SH3GLB1: variants seen among roughly 807,000 people sequenced by gnomAD.
The protein encoded by SH3GLB1 is SH3 domain containing GRB2 like, endophilin B1.
SH3GLB1 carries 17 observed loss-of-function variants against 42.0 expected under a neutral mutation model. The observed-to-expected ratio is 0.40, with a 90% CI of 0.28 to 0.61. SH3GLB1 has a LOEUF of 0.61. Ranked by LOEUF, SH3GLB1 falls within the 20% of genes least tolerant of loss-of-function variation. The pLI is 0.36. For missense variants in SH3GLB1, 355 were observed against 426.3 expected (o/e 0.83, Z 1.47); for synonymous variants, 132 against 146.6 (o/e 0.90, Z 0.72).
intron 1 of SH3GLB1, among the ~76,000 whole-genome samples, chr1:86,714,354 A>G (rs1259418708): frequency 3.3e-5 from 5 of 152,218 alleles, no homozygotes; most frequent in Non-Finnish European, 7.4e-5. Context: ...CTCAGTGCCC[A>G]GTCCTCCAGC....
At chr1:86,733,538 A>C (rs1368468930) in intron 5 of SH3GLB1, among the ~76,000 whole-genome samples, 3 of 152,198 alleles carry the variant, frequency 2.0e-5, no homozygotes, top group African/African-American at 7.2e-5. Context: ...CTATCATTAT[A>C]ATGATGATGT....
At chr1:86,738,013 G>A (rs758123196) in intron 7 of SH3GLB1, among the ~76,000 whole-genome samples, 5 of 152,140 alleles carry the variant, frequency 3.3e-5, no homozygotes, top group African/African-American at 7.2e-5. Flanking sequence ...GAGATGAGGC[G>A]CCTTTGGAAA....
intron 1 of SH3GLB1, among the ~76,000 whole-genome samples, chr1:86,713,724 T>C (rs562787050): frequency 4.6e-5 from 7 of 152,286 alleles, no homozygotes; most frequent in Non-Finnish European, 1.0e-4. Flanking sequence ...TCCCTGATTC[T>C]CCTGCTCTCC....
intron 1 of SH3GLB1, among the ~76,000 whole-genome samples, chr1:86,705,224 TG>T (rs1440110270): frequency 1.3e-5 from 2 of 152,032 alleles, no homozygotes; most frequent in South Asian, 2.1e-4. Context: ...CTCCCACCCC[TG>T]GGGAACACTA....
At chr1:86,718,027 T>A (rs942250341) in intron 2 of SH3GLB1, among the ~76,000 whole-genome samples, 2 of 150,836 alleles carry the variant, frequency 1.3e-5, no homozygotes, top group African/African-American at 4.9e-5. Context: ...AGAATCAGAG[T>A]CAAAACACAA....
Position 86,721,235 on chromosome 1 carries a change from A to G in SH3GLB1, c.344-1305A>G, listed in dbSNP as rs186344277. 3.2e-3 allele frequency among the ~76,000 whole-genome samples: 489 copies of G among 152,346 alleles called. 2 individuals are homozygous for G. Among genetic ancestry groups the G allele is most frequent in the African/African-American group, 0.011 (463 of 41,568 alleles). ...TAGTAATTAATACTAAAAATTGAGTATCACAGGCATGGGCTAAGCATTATA... is the reference window on the plus strand; with the variant it reads ...TAGTAATTAATACTAAAAATTGAGTGTCACAGGCATGGGCTAAGCATTATA... On this transcript the variant is annotated intron_variant, in intron 3 of 8. Transcript: ENST00000370558.
In SH3GLB1 at chr1:86,724,343, CTG is replaced by C. The variant is rs1479779037; in HGVS notation, c.509_510del (p.Leu170ArgfsTer18). The C allele has an allele frequency of 6.3e-7, 1 of 1,597,572 alleles. No individual in the cohort carries two copies. Among genetic ancestry groups the C allele is most frequent in the African/African-American group, 1.4e-5 (1 of 73,728 alleles). On this transcript the variant is annotated frameshift_variant, in exon 5 of 9. Transcript: ENST00000370558. LOFTEE classifies it high-confidence loss of function. ...AAGGAAACTATTGCAAAATAAGAGA[CTG>C]GATTTGGATGCTGCAAAAACGAGAC... ...KERKLLQNKR[L>X]DLDAAKTRLK...
At chr1:86,724,913 A>ATATAT (rs1553208269) in intron 5 of SH3GLB1, among the ~76,000 whole-genome samples, 7 of 122,474 alleles carry the variant, frequency 5.7e-5, no homozygotes, top group African/African-American at 2.7e-4. Context: ...ATATATATAT[A>ATATAT]AAATATATAA....
In SH3GLB1 at chr1:86,742,337, C is replaced by T; in HGVS notation, c.891C>T (p.Asn297=). Residue 297 remains asparagine (N), a synonymous_variant, in exon 8 of 9, where the codon AAC becomes AAT. Transcript: ENST00000370558. ...GCCTAGTAATCACCTCTCCTTCCAA[C>T]CTCAGTGACCTTAAGGAGTGTAGTG... is the stretch of plus-strand genomic sequence containing the variant. ...TSGLVITSPS[N]LSDLKECSGS... is the part of the protein sequence containing the mutation. 5 of 1,614,114 alleles carry T rather than the reference C, an allele frequency of 3.1e-6. No homozygotes were observed. Among genetic ancestry groups the T allele is most frequent in the Non-Finnish European group, 3.4e-6 (4 of 1,180,008 alleles).
intron 5 of SH3GLB1, among the ~76,000 whole-genome samples, chr1:86,733,419 G>A (rs1489490038): frequency 6.6e-6 from 1 of 152,042 alleles, no homozygotes; most frequent in African/African-American, 2.4e-5. Flanking sequence ...TTCATACCTT[G>A]TTGGGTTTTT....
chr1:86,726,603 C>G (rs939620009), intron 5 of SH3GLB1, among the ~76,000 whole-genome samples: 2 of 151,988 alleles, frequency 1.3e-5, no homozygotes, highest in African/African-American at 4.8e-5. Flanking sequence ...TTACATACAG[C>G]AAAATTTAAC....
At chr1:86,722,989 C>T (rs557427715) in intron 4 of SH3GLB1, among the ~76,000 whole-genome samples, 24 of 152,108 alleles carry the variant, frequency 1.6e-4, no homozygotes, top group Non-Finnish European at 3.1e-4. Context: ...GTATATATAC[C>T]GTGTAGCTCT....
chr1:86,730,233 A>G, intron 5 of SH3GLB1: 1 of 1,413,058 alleles, frequency 7.1e-7, no homozygotes, highest in African/African-American at 1.4e-5. Context: ...ACCTTATAAA[A>G]TCTGAAAATG....
intron 5 of SH3GLB1, among the ~76,000 whole-genome samples, chr1:86,731,367 G>C (rs1655500077): frequency 6.6e-6 from 1 of 152,122 alleles, no homozygotes; most frequent in African/African-American, 2.4e-5. Flanking sequence ...TTTACAGTCT[G>C]TTTTATGCAT....
At chr1:86,710,794 G>A (rs996787542) in intron 1 of SH3GLB1, among the ~76,000 whole-genome samples, 6 of 152,192 alleles carry the variant, frequency 3.9e-5, no homozygotes, top group African/African-American at 1.2e-4. Flanking sequence ...AATAACAGCT[G>A]AAATTCCTAA....
chr1:86,705,163 A>T lies in SH3GLB1; in HGVS notation c.72+192A>T, dbSNP rs1209904383. Among the ~76,000 whole-genome samples, 3 of 151,952 alleles carry T rather than the reference A, an allele frequency of 2.0e-5. No individual in the cohort carries two copies. The East Asian group carries it at 5.8e-4, about 30-fold the overall frequency. On this transcript the variant is annotated intron_variant, in intron 1 of 8. Transcript: ENST00000370558. ...CGGATTTCTGCCCCGCTCCTGCCCA[A>T]CCGCCGCTCCCTGGGAAGCGAGGCG...
At chr1:86,736,398 G>A (rs1655783881) in intron 7 of SH3GLB1, among the ~76,000 whole-genome samples, 1 of 152,138 alleles carries the variant, frequency 6.6e-6, no homozygotes, top group Admixed American at 6.5e-5. Context: ...AACCAATTTT[G>A]AACCTCAAAA....
chr1:86,733,475 T>C (rs1414518863), intron 5 of SH3GLB1, among the ~76,000 whole-genome samples: 3 of 152,184 alleles, frequency 2.0e-5, no homozygotes, highest in African/African-American at 7.2e-5. Flanking sequence ...GGAAATGTCA[T>C]GAATCATTTG....
At chr1:86,710,729 A>C (rs762014418) in intron 1 of SH3GLB1, among the ~76,000 whole-genome samples, 4 of 152,226 alleles carry the variant, frequency 2.6e-5, no homozygotes, top group Non-Finnish European at 4.4e-5. Flanking sequence ...TACTGAAAGA[A>C]CCTCAACACA....
Sources: allele counts gnomAD v4.1 joint callset (sites outside exome capture counted in the v4.1 genomes callset), GRCh38; gene constraint gnomAD v4.1.1; transcripts MANE v1.5; gene names NCBI Gene and HGNC (gene_info 2026-07-23, HGNC 2026-07-21).